The following PDE10A variants were observed in gnomAD, a reference collection of about 807,000 sequenced individuals.
PDE10A encodes the protein cAMP and cAMP-inhibited cGMP 3',5'-cyclic phosphodiesterase 10A.
In PDE10A, 39 loss-of-function variants were observed where a neutral mutation model predicts 97.7. That is an observed-to-expected ratio of 0.40 (90% CI 0.31 to 0.52). PDE10A has a LOEUF of 0.52. Ranked by LOEUF, PDE10A falls within the 20% of genes least tolerant of loss-of-function variation. The pLI, the probability that PDE10A is intolerant of heterozygous loss-of-function variation, is 0.56. For synonymous variants in PDE10A, 371 were observed against 376.8 expected (o/e 0.98, Z 0.18); for missense variants, 731 against 1,047.8 (o/e 0.70, Z 4.17).
intron 1 of PDE10A, among the ~76,000 whole-genome samples, chr6:165,738,709 C>T (rs1792644685): frequency 6.6e-6 from 1 of 152,004 alleles, no homozygotes; most frequent in Non-Finnish European, 1.5e-5. Flanking sequence ...GCCATTCTAA[C>T]TGGTGTGAGA....
chr6:165,467,379 G>A (rs1414761368), intron 3 of PDE10A, among the ~76,000 whole-genome samples: 1 of 152,184 alleles, frequency 6.6e-6, no homozygotes. Flanking sequence ...ATAACTGGAG[G>A]AGAAATCAAT....
chr6:165,710,249 C>A (rs373920243), intron 1 of PDE10A, among the ~76,000 whole-genome samples: 25 of 152,294 alleles, frequency 1.6e-4, no homozygotes, highest in African/African-American at 5.8e-4. Flanking sequence ...AGAATATGAA[C>A]CCCTGGACAC....
At chr6:165,615,583 T>C (rs367874430) in intron 1 of PDE10A, among the ~76,000 whole-genome samples, 18 of 152,240 alleles carry the variant, frequency 1.2e-4, no homozygotes, top group African/African-American at 3.4e-4. Flanking sequence ...TTTGTGAGTC[T>C]GAGGTTCTTT....
chr6:165,484,347 G>A (rs1346039061), intron 2 of PDE10A, among the ~76,000 whole-genome samples: 11 of 152,236 alleles, frequency 7.2e-5, no homozygotes, highest in African/African-American at 2.4e-4. Flanking sequence ...CAGGAGGTGA[G>A]CGGCGGCAAG....
chr6:165,701,697 T>G (rs1252997804), intron 1 of PDE10A, among the ~76,000 whole-genome samples: 11 of 150,140 alleles, frequency 7.3e-5, no homozygotes, highest in East Asian at 5.9e-4. Flanking sequence ...GTAAGTGTGT[T>G]TGCATGTGTG....
At chr6:165,730,889 C>CA (rs1231985823) in intron 1 of PDE10A, among the ~76,000 whole-genome samples, 5 of 151,060 alleles carry the variant, frequency 3.3e-5, no homozygotes, top group Middle Eastern at 3.4e-3. Flanking sequence ...ACTAAAAATA[C>CA]AAAAAAATTA....
At chr6:165,563,433 G>C (rs1784623739) in intron 1 of PDE10A, among the ~76,000 whole-genome samples, 1 of 152,134 alleles carries the variant, frequency 6.6e-6, no homozygotes, top group Non-Finnish European at 1.5e-5. Context: ...ACTAAGTATA[G>C]ACATCATTTC....
intron 1 of PDE10A, among the ~76,000 whole-genome samples, chr6:165,688,700 T>C (rs1192504086): frequency 6.6e-6 from 1 of 152,266 alleles, no homozygotes; most frequent in Non-Finnish European, 1.5e-5. Flanking sequence ...TATGTTATGC[T>C]ACCTTTCAGG....
chr6:165,343,362 C>T, intron 19 of PDE10A, 29 bp downstream of exon 19: 1 of 1,384,172 alleles, frequency 7.2e-7, no homozygotes, highest in Non-Finnish European at 1.0e-6. Context: ...TCCTCACTAT[C>T]TATGTCAATA....
chr6:165,811,792 A>G (rs1057145864), intron 1 of PDE10A, among the ~76,000 whole-genome samples: 1 of 152,134 alleles, frequency 6.6e-6, no homozygotes, highest in African/African-American at 2.4e-5. Context: ...TGACTCATTT[A>G]TTTTAATTTT....
At position 165,333,248 on chromosome 6, in the gene PDE10A, C is replaced by T. The variant is rs188432386; in HGVS notation, c.3066-121G>A. On this transcript the variant is annotated intron_variant, in intron 21 of 21. Coordinates refer to ENST00000539869, the MANE Select transcript of PDE10A (RefSeq NM_001385079.1). ...CACAACGGCATTGTGTGGGGCCCTCCGACATGGTTACCAGCACGACGTGGC... is the reference window on the plus strand; with the variant it reads ...CACAACGGCATTGTGTGGGGCCCTCTGACATGGTTACCAGCACGACGTGGC... 630 of 663,550 alleles carry T rather than the reference C, an allele frequency of 9.5e-4. 5 individuals are homozygous for T. The African/African-American group carries it at 9.9e-3, about 10-fold the overall frequency. The allele number at this position is 663,550 out of a possible 1,614,324, so 41.1% of individuals were successfully genotyped here.
intron 1 of PDE10A, among the ~76,000 whole-genome samples, chr6:165,652,138 T>G (rs1361537823): frequency 6.6e-6 from 1 of 152,218 alleles, no homozygotes; most frequent in Non-Finnish European, 1.5e-5. Flanking sequence ...GATGACTGAT[T>G]AGACAACTTC....
chr6:165,436,712 T>C (rs1287878808), intron 5 of PDE10A, among the ~76,000 whole-genome samples: 4 of 152,190 alleles, frequency 2.6e-5, no homozygotes, highest in Non-Finnish European at 5.9e-5. Flanking sequence ...AAAAATTACA[T>C]ATATGATGAA....
At chr6:165,974,880 C>G (rs943591742) in intron 1 of PDE10A, among the ~76,000 whole-genome samples, 25 of 152,218 alleles carry the variant, frequency 1.6e-4, no homozygotes, top group African/African-American at 5.8e-4. Flanking sequence ...GCACAGTTTT[C>G]TCTTGAACTT....
Position 165,661,063 on chromosome 6 carries a change from C to T in PDE10A, c.865+884G>A. The T allele has an allele frequency of 6.5e-6, 1 of 152,868 alleles. No homozygotes were observed. The highest frequency in any genetic ancestry group is 1.5e-5 in the Non-Finnish European group (1 of 68,438). 9.5% of individuals were successfully genotyped at this position (152,868 alleles called of 1,614,324 possible). ...CCTGCTTCCTTCTAGCGAACCCCTG[C>T]CTTGACTTTTCTGCTCAATCTTGTC... On this transcript the variant is annotated intron_variant, in intron 1 of 21. Coordinates refer to ENST00000539869, the MANE Select transcript of PDE10A (RefSeq NM_001385079.1). The surrounding 1 kb of genome is among the most constrained non-coding windows in gnomAD (Gnocchi z 4.8).
chr6:165,717,713 T>C (rs968558625), intron 1 of PDE10A, among the ~76,000 whole-genome samples: 5 of 152,260 alleles, frequency 3.3e-5, no homozygotes, highest in African/African-American at 9.6e-5. Flanking sequence ...TGGCAACTGT[T>C]TCCTGCGATG....
At chr6:165,890,072 C>T (rs1459519736) in intron 1 of PDE10A, among the ~76,000 whole-genome samples, 1 of 146,698 alleles carries the variant, frequency 6.8e-6, no homozygotes, top group Non-Finnish European at 1.5e-5. Flanking sequence ...CTCCCTCACT[C>T]CTCACTCACT....
chr6:165,716,659 C>T (rs1346963947), intron 1 of PDE10A, among the ~76,000 whole-genome samples: 2 of 152,046 alleles, frequency 1.3e-5, no homozygotes, highest in Admixed American at 6.6e-5. Flanking sequence ...CTTTATTTTC[C>T]CCCCACATTT....
At chr6:165,770,844 T>A (rs1777987619) in intron 1 of PDE10A, among the ~76,000 whole-genome samples, 2 of 152,242 alleles carry the variant, frequency 1.3e-5, no homozygotes, top group African/African-American at 2.4e-5. Flanking sequence ...GAGGCTTCGC[T>A]GGCCTGTCCC....
Sources: allele counts gnomAD v4.1 joint callset (sites outside exome capture counted in the v4.1 genomes callset), GRCh38; gene constraint gnomAD v4.1.1; non-coding constraint Gnocchi (gnomAD v3.1); transcripts MANE v1.5; gene names NCBI Gene and HGNC (gene_info 2026-07-23, HGNC 2026-07-21).